The following TNRC6B variants were observed in gnomAD, a reference collection of about 807,000 sequenced individuals.
TNRC6B encodes the protein trinucleotide repeat-containing gene 6B protein.
In TNRC6B, 52 loss-of-function variants were observed where a neutral mutation model predicts 203.6. The ratio of observed to expected loss-of-function variants is 0.26; its 90% CI spans 0.20 to 0.32. The LOEUF (loss-of-function observed/expected upper bound fraction) is 0.32. Among genes scored for constraint, TNRC6B ranks in the 10% least tolerant of loss-of-function variants. The pLI is 1.00. For synonymous variants in TNRC6B, 838 were observed against 845.7 expected (o/e 0.99, Z 0.16); for missense variants, 1,923 against 2,286.2 (o/e 0.84, Z 3.24).
At chr22:40,053,479 G>GAA (rs11388814) in intron 1 of TNRC6B, among the ~76,000 whole-genome samples, 63 of 150,978 alleles carry the variant, frequency 4.2e-4, no homozygotes, top group South Asian at 6.3e-4. Flanking sequence ...CTACAGTATG[G>GAA]AAAAAAAAAT....
chr22:40,073,831 G>T (rs1389042133), intron 1 of TNRC6B, among the ~76,000 whole-genome samples: 1 of 152,138 alleles, frequency 6.6e-6, no homozygotes, highest in African/African-American at 2.4e-5. Context: ...GCCGAGGTGG[G>T]CAGATCACCT....
At chr22:40,257,851 C>T (rs925339060) in intron 3 of TNRC6B, among the ~76,000 whole-genome samples, 12 of 151,960 alleles carry the variant, frequency 7.9e-5, no homozygotes, top group Admixed American at 2.6e-4. Context: ...GATGAAACTC[C>T]GTCTCTGTTA....
intron 4 of TNRC6B, among the ~76,000 whole-genome samples, chr22:40,157,483 G>C (rs866075302): frequency 2.6e-5 from 4 of 152,094 alleles, no homozygotes; most frequent in Non-Finnish European, 5.9e-5. Context: ...AAAATGGCTC[G>C]TCTTGTATTT....
At chr22:40,063,996 C>G (rs1282582243) in intron 1 of TNRC6B, among the ~76,000 whole-genome samples, 1 of 152,188 alleles carries the variant, frequency 6.6e-6, no homozygotes, top group East Asian at 1.9e-4. Flanking sequence ...AGCCACTGCA[C>G]CCAGCCCAAT....
chr22:40,219,161 A>C (rs1417357079), intron 1 of TNRC6B, among the ~76,000 whole-genome samples: 1 of 152,218 alleles, frequency 6.6e-6, no homozygotes, highest in African/African-American at 2.4e-5. Context: ...TCTCCCTGGG[A>C]GACCGGGCTG....
intron 1 of TNRC6B, among the ~76,000 whole-genome samples, chr22:40,179,104 A>G (rs978510911): frequency 2.6e-5 from 4 of 152,296 alleles, no homozygotes; most frequent in East Asian, 1.9e-4. Flanking sequence ...GGTCACATGT[A>G]TAAGTAGCAG....
intron 1 of TNRC6B, among the ~76,000 whole-genome samples, chr22:40,207,047 G>A (rs1226380605): frequency 6.6e-6 from 1 of 151,990 alleles, no homozygotes; most frequent in Non-Finnish European, 1.5e-5. Flanking sequence ...CTGGTTGCTG[G>A]CAGTCCTTCA....
chr22:40,141,318 A>G (rs1236448452), intron 3 of TNRC6B, among the ~76,000 whole-genome samples: 2 of 138,862 alleles, frequency 1.4e-5, no homozygotes, highest in African/African-American at 5.4e-5. Context: ...CGATGCTCCC[A>G]CCTTAGCTTC....
intron 19 of TNRC6B, among the ~76,000 whole-genome samples, chr22:40,314,391 A>G (rs1450523728): frequency 6.6e-6 from 1 of 152,146 alleles, no homozygotes; most frequent in Admixed American, 6.5e-5. Context: ...TCTATTTACT[A>G]TCACAGTAGT....
chr22:40,257,955 A>C (rs1462782969), intron 3 of TNRC6B, among the ~76,000 whole-genome samples: 6 of 152,186 alleles, frequency 3.9e-5, no homozygotes, highest in African/African-American at 1.4e-4. Context: ...TGGAGGTTGC[A>C]GGAAGCTGAG....
chr22:40,292,522 C>A (rs1439955153), intron 12 of TNRC6B, among the ~76,000 whole-genome samples: 1 of 152,226 alleles, frequency 6.6e-6, no homozygotes, highest in Admixed American at 6.5e-5. Context: ...TCATTTTGCA[C>A]CTGCAGTGCT....
upstream of TNRC6B, among the ~76,000 whole-genome samples, chr22:40,173,048 T>C (rs1290176368): frequency 6.6e-6 from 1 of 152,220 alleles, no homozygotes; most frequent in Non-Finnish European, 1.5e-5. Flanking sequence ...TCTCTTTCAA[T>C]TGATCAGATT....
chr22:40,128,778 C>A (rs1033540626), intron 3 of TNRC6B, among the ~76,000 whole-genome samples: 1 of 151,906 alleles, frequency 6.6e-6, no homozygotes, highest in Non-Finnish European at 1.5e-5. Context: ...CTGCCGCAGT[C>A]TCCCAAAGTG....
intron 4 of TNRC6B, among the ~76,000 whole-genome samples, chr22:40,160,582 A>G (rs1267260052): frequency 2.6e-5 from 4 of 151,836 alleles, no homozygotes; most frequent in Non-Finnish European, 5.9e-5. Context: ...TTATTGGTTG[A>G]TTGATTGACT....
intron 3 of TNRC6B, among the ~76,000 whole-genome samples, chr22:40,149,320 A>G (rs1248537653): frequency 6.6e-6 from 1 of 152,206 alleles, no homozygotes; most frequent in East Asian, 1.9e-4. Flanking sequence ...AGCTGCATCT[A>G]TAGTGATAGA....
intron 1 of TNRC6B, among the ~76,000 whole-genome samples, chr22:40,066,282 A>G (rs887325866): frequency 3.3e-5 from 5 of 152,090 alleles, no homozygotes; most frequent in South Asian, 2.1e-4. Context: ...ACTGTTTTAT[A>G]TATTTCATCC....
At chr22:40,319,558 G>A (rs1234210876) in intron 21 of TNRC6B, among the ~76,000 whole-genome samples, 3 of 151,734 alleles carry the variant, frequency 2.0e-5, no homozygotes, top group Non-Finnish European at 2.9e-5. Context: ...CCAAGTAGCT[G>A]GGACTACAGG....
chr22:40,229,443 G>A (rs2146447874), intron 1 of TNRC6B, among the ~76,000 whole-genome samples: 1 of 151,398 alleles, frequency 6.6e-6, no homozygotes, highest in South Asian at 2.1e-4. Context: ...CTGTAGGAAA[G>A]GCTTTTTTTT....
intron 1 of TNRC6B, among the ~76,000 whole-genome samples, chr22:40,113,090 G>C (rs975056548): frequency 6.6e-6 from 1 of 152,148 alleles, no homozygotes; most frequent in Non-Finnish European, 1.5e-5. Flanking sequence ...CTGGGCGACA[G>C]AGCAAGACTC....
Sources: allele counts gnomAD v4.1 joint callset (sites outside exome capture counted in the v4.1 genomes callset), GRCh38; gene constraint gnomAD v4.1.1; transcripts MANE v1.5; gene names NCBI Gene and HGNC (gene_info 2026-07-23, HGNC 2026-07-21).